MGAT5: variants seen among roughly 807,000 people sequenced by gnomAD.
MGAT5 encodes alpha-1,6-mannosylglycoprotein 6-beta-N-acetylglucosaminyltransferase A.
Under a neutral mutation model 94.3 loss-of-function variants are expected in MGAT5, and 30 were observed. That is an observed-to-expected ratio of 0.32 (90% CI 0.24 to 0.43). MGAT5 has a LOEUF of 0.43. Ranked by LOEUF, MGAT5 falls within the 20% of genes least tolerant of loss-of-function variation. The probability of loss-of-function intolerance (pLI) is 1.00; values close to 1 mark genes in which losing one functional copy is unlikely to be tolerated. For missense variants in MGAT5, 691 were observed against 905.5 expected, an observed-to-expected ratio of 0.76 and a Z score of 3.04; for synonymous variants, 310 against 322.9, an observed-to-expected ratio of 0.96 and a Z score of 0.43.
At chr2:134,242,481 G>A (rs191713882) in intron 1 of MGAT5, among the ~76,000 whole-genome samples, 1 of 152,304 alleles carries the variant, frequency 6.6e-6, no homozygotes, top group Admixed American at 6.5e-5. Context: ...TTATGAAAAG[G>A]AGAATTGTGC....
At chr2:134,439,602 CAGG>C (rs1685361495) in intron 14 of MGAT5, among the ~76,000 whole-genome samples, 1 of 152,136 alleles carries the variant, frequency 6.6e-6, no homozygotes, top group Non-Finnish European at 1.5e-5. Flanking sequence ...GAAGCTGAGG[CAGG>C]AGAATTGCGT....
At chr2:134,376,715 G>A (rs746529280) in intron 10 of MGAT5, among the ~76,000 whole-genome samples, 14 of 152,312 alleles carry the variant, frequency 9.2e-5, no homozygotes, top group Non-Finnish European at 1.9e-4. Context: ...GAAACTAGCA[G>A]GCCAATCTTT....
intron 15 of MGAT5, among the ~76,000 whole-genome samples, chr2:134,446,626 C>A (rs1209051117): frequency 6.6e-6 from 1 of 152,132 alleles, no homozygotes; most frequent in South Asian, 2.1e-4. Context: ...GACTTCCTGC[C>A]CTCTCCCTTC....
chr2:134,122,989 A>G (rs1685686305), intron 1 of MGAT5, among the ~76,000 whole-genome samples: 1 of 152,228 alleles, frequency 6.6e-6, no homozygotes, highest in Non-Finnish European at 1.5e-5. Context: ...GTACTCATTT[A>G]TATATATTCC....
intron 13 of MGAT5, among the ~76,000 whole-genome samples, 165 bp downstream of exon 13, chr2:134,423,084 A>G (rs934065231): frequency 7.9e-5 from 12 of 152,212 alleles, no homozygotes; most frequent in African/African-American, 2.7e-4. Flanking sequence ...GATTTCATGA[A>G]TGTTCTGTGA....
intron 1 of MGAT5, among the ~76,000 whole-genome samples, chr2:134,187,088 C>T (rs908946485): frequency 3.9e-5 from 6 of 152,138 alleles, no homozygotes; most frequent in African/African-American, 9.6e-5. Context: ...GCTTGAGGGC[C>T]GTGTGGGTGG....
At chr2:134,171,901 G>A (rs1036943257) in intron 1 of MGAT5, among the ~76,000 whole-genome samples, 25 of 152,098 alleles carry the variant, frequency 1.6e-4, no homozygotes, top group African/African-American at 5.8e-4. Context: ...TTATGCTTTG[G>A]GGCCATCAAA....
intron 1 of MGAT5, among the ~76,000 whole-genome samples, chr2:134,265,721 A>T (rs935422120): frequency 5.9e-5 from 9 of 152,216 alleles, no homozygotes. Flanking sequence ...TGAAAATGAT[A>T]ATCTTGTTGA....
At chr2:134,282,720 ATGCT>A (rs1314066488) in intron 2 of MGAT5, among the ~76,000 whole-genome samples, 1 of 152,178 alleles carries the variant, frequency 6.6e-6, no homozygotes, top group Non-Finnish European at 1.5e-5. Flanking sequence ...CTGGTGAAAA[ATGCT>A]TGAGGAACAG....
intron 1 of MGAT5, among the ~76,000 whole-genome samples, chr2:134,146,794 A>G (rs1286473899): frequency 6.6e-6 from 1 of 152,148 alleles, no homozygotes; most frequent in Non-Finnish European, 1.5e-5. Flanking sequence ...TTCCGCAGCC[A>G]TGTGCCTGCA....
intron 1 of MGAT5, among the ~76,000 whole-genome samples, chr2:134,241,542 C>T (rs772821988): frequency 2.6e-5 from 4 of 151,902 alleles, no homozygotes; most frequent in Non-Finnish European, 4.4e-5. Flanking sequence ...ACTTTTTTAC[C>T]GACATAATTA....
chr2:134,177,754 C>T (rs968163676), intron 1 of MGAT5, among the ~76,000 whole-genome samples: 15 of 152,206 alleles, frequency 9.9e-5, no homozygotes, highest in African/African-American at 3.4e-4. Context: ...GGCCAGTGCT[C>T]ATGCAGGCTC....
chr2:134,306,147 C>A lies in MGAT5; in HGVS notation c.407-11382C>A, dbSNP rs1346976937. ...GTTGTAACTAAGTACATATATGATA[C>A]CCACGTGGAATATTTCATATCCTTT... On this transcript the variant is annotated intron_variant, in intron 2 of 15. Coordinates refer to ENST00000281923, the MANE Select transcript of MGAT5 (RefSeq NM_002410.5). Among the ~76,000 whole-genome samples the A allele has an allele frequency of 3.3e-5, 5 of 151,936 alleles. No homozygotes were observed. The South Asian group carries it at 8.3e-4, about 25-fold the overall frequency.
At chr2:134,177,421 G>A (rs547915667) in intron 1 of MGAT5, among the ~76,000 whole-genome samples, 1 of 152,232 alleles carries the variant, frequency 6.6e-6, no homozygotes, top group African/African-American at 2.4e-5. Flanking sequence ...TCTGGCTGTG[G>A]TTAGCGTCAC....
At chr2:134,320,486 C>G (rs961743225) in intron 4 of MGAT5, among the ~76,000 whole-genome samples, 1 of 152,018 alleles carries the variant, frequency 6.6e-6, no homozygotes, top group Non-Finnish European at 1.5e-5. Context: ...CTGGCTTCCC[C>G]TTTATGGACT....
chr2:134,251,073 G>A (rs2733946), upstream of MGAT5, among the ~76,000 whole-genome samples: 1 of 152,040 alleles, frequency 6.6e-6, no homozygotes, highest in Non-Finnish European at 1.5e-5. Context: ...CCAGTGATTC[G>A]GGCTCTTTAC....
chr2:134,383,016 C>T (rs1681729774), intron 10 of MGAT5, among the ~76,000 whole-genome samples: 1 of 152,166 alleles, frequency 6.6e-6, no homozygotes, highest in African/African-American at 2.4e-5. Flanking sequence ...AGAGGTGAGT[C>T]CTTTTAAAAT....
intron 10 of MGAT5, among the ~76,000 whole-genome samples, chr2:134,381,034 C>T (rs1366475891): frequency 6.6e-6 from 1 of 151,832 alleles, no homozygotes; most frequent in Non-Finnish European, 1.5e-5. Context: ...TAAAATCCAC[C>T]TACCTCCCCC....
chr2:134,392,823 G>A (rs1462295165), intron 10 of MGAT5, among the ~76,000 whole-genome samples: 9 of 152,336 alleles, frequency 5.9e-5, no homozygotes, highest in South Asian at 2.1e-4. Context: ...GTGGCATAGT[G>A]GAAACCAGCC....
Sources: gnomAD v4.1 joint callset for allele counts (sites outside exome capture counted in the v4.1 genomes callset) on GRCh38, gnomAD v4.1.1 for gene constraint, MANE v1.5 for transcripts, NCBI Gene and HGNC (gene_info 2026-07-23, HGNC 2026-07-21) for gene names.